Variants in CFAP20DC observed in about 807,000 individuals in gnomAD.
The protein encoded by CFAP20DC is CFAP20 domain containing, also known as protein CFAP20DC.
Under a neutral mutation model 101.7 loss-of-function variants are expected in CFAP20DC, and 84 were observed. The observed-to-expected ratio is 0.83, with a 90% CI of 0.69 to 0.99. The LOEUF (loss-of-function observed/expected upper bound fraction) is 0.99. CFAP20DC is among the 50% of genes least tolerant of loss of function. The pLI is 0.00. For synonymous variants in CFAP20DC, 359 were observed against 351.2 expected (o/e 1.02, Z -0.25); for missense variants, 1,007 against 970.3 (o/e 1.04, Z -0.50).
downstream of CFAP20DC, among the ~76,000 whole-genome samples, chr3:58,740,259 G>T (rs974574117): frequency 5.9e-5 from 9 of 152,128 alleles, no homozygotes; most frequent in African/African-American, 1.2e-4. The surrounding 1 kb of genome is among the most constrained non-coding windows in gnomAD (Gnocchi z 4.6). Flanking sequence ...GACATCTGTG[G>T]TTTTTGCCTG....
chr3:58,724,134 G>A lies in CFAP20DC; in HGVS notation c.198-6506C>T, dbSNP rs1299164855. ...GCCTGGGGAATTCTCAAGTTGGTTT[G>A]TGGGGGTCAAGCAGGTTCTTCCTTT... On this transcript the variant is annotated intron_variant, in intron 3 of 3. Transcript: ENST00000486145. The surrounding 1 kb of genome is among the most constrained non-coding windows in gnomAD (Gnocchi z 5.6). Among the ~76,000 whole-genome samples the A allele has an allele frequency of 1.3e-5, 2 of 152,186 alleles. No homozygotes were observed. Among genetic ancestry groups the A allele is most frequent in the African/African-American group, 2.4e-5 (1 of 41,444 alleles).
chr3:59,028,558 GT>G (rs757910457), intron 4 of CFAP20DC, among the ~76,000 whole-genome samples: 1 of 152,114 alleles, frequency 6.6e-6, no homozygotes, highest in Non-Finnish European at 1.5e-5. Flanking sequence ...TATATGTATA[GT>G]CAAATAGAAA....
At chr3:58,748,265 G>A (rs904754142) in intron 16 of CFAP20DC, among the ~76,000 whole-genome samples, 3 of 152,116 alleles carry the variant, frequency 2.0e-5, no homozygotes, top group African/African-American at 7.2e-5. Flanking sequence ...AATCTCTTAG[G>A]AGCCTGATTT....
At chr3:58,828,584 A>G (rs763826339) in intron 14 of CFAP20DC, among the ~76,000 whole-genome samples, 13 of 152,224 alleles carry the variant, frequency 8.5e-5, no homozygotes, top group Non-Finnish European at 1.8e-4. Flanking sequence ...ACTTATAAGC[A>G]GGAGCTAAAC....
At chr3:58,942,529 G>A (rs934433760) in intron 4 of CFAP20DC, among the ~76,000 whole-genome samples, 12 of 152,302 alleles carry the variant, frequency 7.9e-5, no homozygotes, top group African/African-American at 2.6e-4. Flanking sequence ...CATGAGGAAC[G>A]GTGCATTCTG....
intron 5 of CFAP20DC, among the ~76,000 whole-genome samples, chr3:58,918,074 G>A (rs754960098): frequency 2.6e-5 from 4 of 152,088 alleles, no homozygotes; most frequent in East Asian, 1.9e-4. Flanking sequence ...TCTTACTTAC[G>A]AAAAGTACTT....
chr3:58,844,759 G>T (rs1158039292), intron 13 of CFAP20DC, among the ~76,000 whole-genome samples: 2 of 134,128 alleles, frequency 1.5e-5, no homozygotes, highest in African/African-American at 6.9e-5. Context: ...CACATACTGG[G>T]AAGTAAAGCT....
In CFAP20DC at chr3:58,911,833, G is replaced by A. The variant is rs74396204; in HGVS notation, c.550+1875C>T. Among the ~76,000 whole-genome samples the A allele has an allele frequency of 1.9e-4, 29 of 152,148 alleles. No individual in the cohort carries two copies. The East Asian group carries it at 5.4e-3, about 28-fold the overall frequency. On this transcript the variant is annotated intron_variant, in intron 6 of 16. Coordinates refer to ENST00000482387, the MANE Select transcript of CFAP20DC (RefSeq NM_001394063.1). Reference sequence around the variant, plus strand: ...CCAGAGACTAAATCTCCTGTGGCTTGGTTATATGGAGTTAGAGCAGGAACC... The same window carrying A: ...CCAGAGACTAAATCTCCTGTGGCTTAGTTATATGGAGTTAGAGCAGGAACC...
chr3:58,884,311 T>C (rs1191828884), intron 7 of CFAP20DC, among the ~76,000 whole-genome samples: 3 of 152,208 alleles, frequency 2.0e-5, no homozygotes, highest in Non-Finnish European at 2.9e-5. Flanking sequence ...AAGTTGAAAA[T>C]ATTTCTATGT....
Position 58,742,535 on chromosome 3 carries a change from TA to T in CFAP20DC, c.2369del (p.Val790AspfsTer2). On this transcript the variant is annotated frameshift_variant, in exon 17 of 17. Transcript: ENST00000482387. LOFTEE classifies it high-confidence loss of function. ...EDLSVEEDEE[V>X]LTLLYDPCLN... Reference sequence around the variant, plus strand: ...GACAAGGGTCATACAACAAAGTCAGTACTTCCTCGTCCTCTTCCACACTGAG... The same window carrying T: ...GACAAGGGTCATACAACAAAGTCAGTCTTCCTCGTCCTCTTCCACACTGAG... The T allele has an allele frequency of 6.2e-7, 1 of 1,608,926 alleles. No homozygotes were observed. The highest frequency in any genetic ancestry group is 8.5e-7 in the Non-Finnish European group (1 of 1,177,600).
chr3:58,786,681 G>A (rs929361045), intron 15 of CFAP20DC, among the ~76,000 whole-genome samples: 1 of 147,672 alleles, frequency 6.8e-6, no homozygotes, highest in African/African-American at 2.5e-5. Flanking sequence ...TGGCCCCAAA[G>A]AGCAAGAATA....
chr3:58,824,692 T>C (rs2075922212), intron 14 of CFAP20DC: 2 of 152,222 alleles, frequency 1.3e-5, no homozygotes, highest in Admixed American at 1.3e-4. Flanking sequence ...CCTGCAGTTT[T>C]ATTAAGTGTA....
chr3:58,819,880 G>C (rs923536200), intron 14 of CFAP20DC, among the ~76,000 whole-genome samples: 54 of 148,270 alleles, frequency 3.6e-4, no homozygotes, highest in Non-Finnish European at 7.6e-4. Flanking sequence ...GAACATTGAT[G>C]CAAAAATCCT....
At chr3:58,988,664 A>AAAC (rs1489826772) in intron 4 of CFAP20DC, among the ~76,000 whole-genome samples, 1 of 152,190 alleles carries the variant, frequency 6.6e-6, no homozygotes, top group African/African-American at 2.4e-5. Flanking sequence ...TACTTCGTTA[A>AAAC]AGCAGCCCAA....
At chr3:58,980,034 T>C (rs1253201092) in intron 4 of CFAP20DC, among the ~76,000 whole-genome samples, 1 of 152,166 alleles carries the variant, frequency 6.6e-6, no homozygotes, top group Admixed American at 6.5e-5. Flanking sequence ...TGAGGAAGTA[T>C]GTTGCCTTAG....
intron 15 of CFAP20DC, among the ~76,000 whole-genome samples, chr3:58,756,729 T>G (rs2107297942): frequency 6.6e-6 from 1 of 152,254 alleles, no homozygotes; most frequent in East Asian, 1.9e-4. Context: ...AGTTCTGGTG[T>G]TGCCTTTCTG....
chr3:58,989,075 A>G (rs531745468), intron 4 of CFAP20DC, among the ~76,000 whole-genome samples: 2 of 152,284 alleles, frequency 1.3e-5, no homozygotes, highest in Non-Finnish European at 1.5e-5. Flanking sequence ...ATAATGAAAA[A>G]TCATGAGTAA....
intron 14 of CFAP20DC, among the ~76,000 whole-genome samples, chr3:58,823,927 T>C (rs989691840): frequency 6.6e-6 from 1 of 152,132 alleles, no homozygotes; most frequent in Non-Finnish European, 1.5e-5. Context: ...TTTGGGACAA[T>C]CATAAAATGT....
rs541922712 is a variant in CFAP20DC, at chr3:58,930,664, T to G, written c.393+6984A>C. On this transcript the variant is annotated intron_variant, in intron 5 of 16. Transcript: ENST00000482387. ...ACAAGAAACAGTACCCAGTTAGACC[T>G]CAAAATATTGTTTTGTTTTCAGTAT... Among the ~76,000 whole-genome samples, 5 of 152,318 alleles carry G rather than the reference T, an allele frequency of 3.3e-5. No homozygotes were observed. The South Asian group carries it at 1.0e-3, about 32-fold the overall frequency.
Sources: allele counts gnomAD v4.1 joint callset (sites outside exome capture counted in the v4.1 genomes callset), GRCh38; gene constraint gnomAD v4.1.1; non-coding constraint Gnocchi (gnomAD v3.1); transcripts MANE v1.5; gene names NCBI Gene and HGNC (gene_info 2026-07-23, HGNC 2026-07-21).